The following ERC2 variants were observed in gnomAD, a reference collection of about 807,000 sequenced individuals.
ERC2 encodes the protein ERC protein 2.
ERC2 carries 42 observed loss-of-function variants against 114.8 expected under a neutral mutation model. That is an observed-to-expected ratio of 0.37 (90% CI 0.29 to 0.47). The LOEUF (loss-of-function observed/expected upper bound fraction) is 0.47. Among genes scored for constraint, ERC2 ranks in the 20% least tolerant of loss-of-function variants. The pLI is 0.99. For missense variants in ERC2, 939 were observed against 1,150.7 expected, an observed-to-expected ratio of 0.82 and a Z score of 2.66; for synonymous variants, 454 against 425.5, an observed-to-expected ratio of 1.07 and a Z score of -0.82.
intron 2 of ERC2, among the ~76,000 whole-genome samples, chr3:56,395,069 T>G (rs1381879558): frequency 2.0e-5 from 3 of 151,754 alleles, no homozygotes; most frequent in African/African-American, 7.3e-5. Flanking sequence ...GCAAAAAAAT[T>G]TATATTATAT....
Position 55,909,217 on chromosome 3 carries a change from CA to C in ERC2, c.2404-20669del, listed in dbSNP as rs1159952402. Among the ~76,000 whole-genome samples, 3 of 152,194 alleles carry C rather than the reference CA, an allele frequency of 2.0e-5. No homozygotes were observed. The East Asian group carries it at 5.8e-4, about 29-fold the overall frequency. ...CTTTCATATCCGTGTTTCGGTGCTG[CA>C]CTTCTTTCACAATGGCGTCTGAAAT... On this transcript the variant is annotated intron_variant, in intron 13 of 17. Coordinates refer to ENST00000288221, the MANE Select transcript of ERC2 (RefSeq NM_015576.3).
At chr3:55,768,312 G>T (rs577972281) in intron 14 of ERC2, among the ~76,000 whole-genome samples, 3 of 152,198 alleles carry the variant, frequency 2.0e-5, no homozygotes, top group African/African-American at 7.2e-5. Flanking sequence ...AGCACTATCT[G>T]GGAATCCATA....
chr3:56,080,851 A>G lies in ERC2; in HGVS notation c.1607T>C (p.Val536Ala). Residue 536 changes from valine (V) to alanine (A), a missense_variant, in exon 7 of 18, where the codon GTG becomes GCG. Physicochemically the swap from Val to Ala is moderately conservative, Grantham distance 64 (BLOSUM62 0). This residue lies in a region of ERC2 where 149 missense variants were observed against 254.6 expected (regional missense o/e 0.59). Transcript: ENST00000288221. Reference sequence around the variant, plus strand: ...AAGAACATTGATTTTTCTTTCCTTCACTTCTAACATATCTTTCATGTCACG... The same window carrying G: ...AAGAACATTGATTTTTCTTTCCTTCGCTTCTAACATATCTTTCATGTCACG... ...EIRDMKDMLE[V>A]KERKINVLQK... 6.2e-7 allele frequency: 1 copy of G among 1,613,500 alleles called. No homozygotes were observed. Among genetic ancestry groups the G allele is most frequent in the Non-Finnish European group, 8.5e-7 (1 of 1,179,632 alleles).
intron 6 of ERC2, among the ~76,000 whole-genome samples, chr3:56,132,128 C>T (rs1057379716): frequency 2.6e-5 from 4 of 152,102 alleles, no homozygotes; most frequent in Non-Finnish European, 4.4e-5. Flanking sequence ...TGCAAAGCCC[C>T]GTGTGAATGC....
chr3:56,320,663 A>G (rs1389149270), intron 2 of ERC2, among the ~76,000 whole-genome samples: 1 of 152,222 alleles, frequency 6.6e-6, no homozygotes, highest in Non-Finnish European at 1.5e-5. Context: ...GTGTACATCA[A>G]GAAAAAAAAT....
At chr3:55,582,408 C>T (rs2107566204) in intron 17 of ERC2, among the ~76,000 whole-genome samples, 1 of 152,292 alleles carries the variant, frequency 6.6e-6, no homozygotes, top group East Asian at 1.9e-4. Flanking sequence ...GACCTGCTCT[C>T]CTCCTCAAAC....
At chr3:55,684,027 T>C (rs566596909) in intron 16 of ERC2, among the ~76,000 whole-genome samples, 168 bp from the exon 17 acceptor site, 10 of 152,210 alleles carry the variant, frequency 6.6e-5, no homozygotes, top group African/African-American at 2.4e-4. Flanking sequence ...AAATTCCACA[T>C]CACCGACTTG....
At chr3:55,758,364 C>G (rs149619306) in intron 14 of ERC2, among the ~76,000 whole-genome samples, 414 of 152,320 alleles carry the variant, frequency 2.7e-3, no homozygotes, top group Middle Eastern at 0.01. Flanking sequence ...ACAGCCACCC[C>G]ACTCATACTG....
At chr3:55,695,137 T>C (rs962902647) in intron 16 of ERC2, among the ~76,000 whole-genome samples, 1 of 152,236 alleles carries the variant, frequency 6.6e-6, no homozygotes, top group Non-Finnish European at 1.5e-5. Context: ...AGAGAACATT[T>C]AGGAAAAGCT....
intron 13 of ERC2, among the ~76,000 whole-genome samples, chr3:55,907,556 T>A (rs754315666): frequency 6.6e-6 from 1 of 152,222 alleles, no homozygotes; most frequent in Non-Finnish European, 1.5e-5. Context: ...GTGTATTCTG[T>A]AATTTGATGT....
chr3:55,697,614 T>C (rs1276967299), intron 16 of ERC2, among the ~76,000 whole-genome samples: 1 of 152,182 alleles, frequency 6.6e-6, no homozygotes, highest in African/African-American at 2.4e-5. Flanking sequence ...CTCTAGTGCC[T>C]CATTCCCAGT....
chr3:55,975,938 C>G (rs779304102), intron 12 of ERC2, among the ~76,000 whole-genome samples: 6 of 152,130 alleles, frequency 3.9e-5, no homozygotes, highest in Non-Finnish European at 7.3e-5. Flanking sequence ...AGAAATTTCC[C>G]AACTCCTCTC....
intron 17 of ERC2, among the ~76,000 whole-genome samples, chr3:55,514,738 T>G (rs1160742087): frequency 1.3e-5 from 2 of 152,222 alleles, no homozygotes; most frequent in African/African-American, 4.8e-5. Flanking sequence ...TGAAGGTGGA[T>G]GCTTCCTGGA....
chr3:55,575,798 A>G (rs1412957303), intron 17 of ERC2, among the ~76,000 whole-genome samples: 1 of 152,212 alleles, frequency 6.6e-6, no homozygotes, highest in East Asian at 1.9e-4. Flanking sequence ...AAACCAGAGT[A>G]GCAAGAGCAG....
At chr3:55,547,154 G>A (rs182656102) in intron 17 of ERC2, among the ~76,000 whole-genome samples, 49 of 152,334 alleles carry the variant, frequency 3.2e-4, no homozygotes, top group African/African-American at 1.2e-3. Context: ...CCTGGCACAC[G>A]GCACCTGTGA....
chr3:55,932,797 A>G (rs564544736), intron 13 of ERC2, among the ~76,000 whole-genome samples: 2 of 152,362 alleles, frequency 1.3e-5, no homozygotes, highest in African/African-American at 4.8e-5. Flanking sequence ...GCGAATACTC[A>G]GCTAGAATGA....
intron 3 of ERC2, among the ~76,000 whole-genome samples, chr3:56,233,261 T>C (rs1234995340): frequency 6.6e-6 from 1 of 152,256 alleles, no homozygotes; most frequent in African/African-American, 2.4e-5. Flanking sequence ...CACCATTGTA[T>C]TAATTTCCTA....
intron 3 of ERC2, among the ~76,000 whole-genome samples, chr3:56,176,550 T>TA (rs1329951271): frequency 2.6e-5 from 4 of 152,164 alleles, no homozygotes; most frequent in Non-Finnish European, 5.9e-5. Flanking sequence ...GTCACTCCTT[T>TA]AAAAATAAAA....
At chr3:55,633,858 C>CCCT (rs2059851983) in intron 17 of ERC2, among the ~76,000 whole-genome samples, 1 of 152,200 alleles carries the variant, frequency 6.6e-6, no homozygotes, top group Non-Finnish European at 1.5e-5. Flanking sequence ...TGATGCACAT[C>CCCT]CCTCCAGTCC....
Sources: gnomAD v4.1 joint callset for allele counts (sites outside exome capture counted in the v4.1 genomes callset) on GRCh38, gnomAD v4.1.1 for gene constraint, gnomAD v4.1.1 regional missense constraint, MANE v1.5 for transcripts, NCBI Gene and HGNC (gene_info 2026-07-23, HGNC 2026-07-21) for gene names.